Variants in HMGB1 observed in about 807,000 individuals in gnomAD.
The protein encoded by HMGB1 is high mobility group protein B1.
For synonymous variants in HMGB1, 81 were observed against 84.0 expected (o/e 0.96, Z 0.19); for missense variants, 79 against 253.5 (o/e 0.31, Z 4.67).
intron 1 of HMGB1, among the ~76,000 whole-genome samples, chr13:30,526,360 A>G (rs577729938): frequency 3.3e-5 from 5 of 152,342 alleles, no homozygotes; most frequent in African/African-American, 7.2e-5. Context: ...CCTGGCCCAA[A>G]CACATATTAT....
rs139176493 is a variant in HMGB1 at position 30,528,483 on chromosome 13, T to A, written c.-14-64789A>T. ...GCGCTCCCTTGCTTTTGACTGAGTT[T>A]ACACAAACTTGTGAGGTCACGTTTG... On this transcript the variant is annotated intron_variant, in intron 1 of 4. Transcript: ENST00000405805. Among the ~76,000 whole-genome samples, 198 of 152,324 alleles carry A rather than the reference T, an allele frequency of 1.3e-3. 1 individual carries two copies. The highest frequency in any genetic ancestry group is 4.4e-3 in the African/African-American group (183 of 41,578).
intron 1 of HMGB1, among the ~76,000 whole-genome samples, chr13:30,513,153 G>A (rs1888029530): frequency 1.3e-5 from 2 of 152,122 alleles, no homozygotes; most frequent in Admixed American, 6.5e-5. Flanking sequence ...GGGCATCAGA[G>A]TGAGACTGCA....
chr13:30,470,656 A>T (rs1886898991), upstream of HMGB1, among the ~76,000 whole-genome samples: 5 of 150,380 alleles, frequency 3.3e-5, no homozygotes, highest in Admixed American at 2.6e-4. Flanking sequence ...GTTTTATTTT[A>T]TTTTTTTTTT....
intron 1 of HMGB1, among the ~76,000 whole-genome samples, chr13:30,608,440 T>C (rs542357173): frequency 1.3e-5 from 2 of 152,332 alleles, no homozygotes; most frequent in African/African-American, 4.8e-5. Context: ...TTGAGTACTG[T>C]TGAGGGCATG....
chr13:30,471,306 A>G (rs1378493823), intron 1 of HMGB1, among the ~76,000 whole-genome samples: 2 of 151,836 alleles, frequency 1.3e-5, no homozygotes, highest in African/African-American at 2.4e-5. Context: ...TTTGTCTCCC[A>G]TGTTCAACCA....
At chr13:30,578,312 G>A (rs1417800167) in intron 1 of HMGB1, among the ~76,000 whole-genome samples, 1 of 149,000 alleles carries the variant, frequency 6.7e-6, no homozygotes, top group Admixed American at 6.7e-5. Context: ...TGACCTGTTG[G>A]TGTGTCTTTG....
intron 1 of HMGB1, among the ~76,000 whole-genome samples, chr13:30,586,475 TTTTG>T (rs1871153073): frequency 1.1e-5 from 1 of 90,740 alleles, no homozygotes; most frequent in Non-Finnish European, 2.0e-5. Context: ...CACTGGTTTT[TTTTG>T]TTTTTTTTTT....
At chr13:30,593,227 AC>A (rs571530078) in intron 1 of HMGB1, among the ~76,000 whole-genome samples, 2 of 151,212 alleles carry the variant, frequency 1.3e-5, no homozygotes, top group African/African-American at 2.4e-5. Flanking sequence ...GTTACAGACC[AC>A]CCCCCCGTAG....
At chr13:30,464,330 A>G in intron 1 of HMGB1, 1 of 985,302 alleles carries the variant, frequency 1.0e-6, no homozygotes, top group Non-Finnish European at 1.2e-6. Flanking sequence ...TTCTGACTAA[A>G]CACGTCCGGT....
At chr13:30,503,778 G>T (rs1404783145) in intron 1 of HMGB1, among the ~76,000 whole-genome samples, 3 of 151,936 alleles carry the variant, frequency 2.0e-5, no homozygotes, top group African/African-American at 7.2e-5. Context: ...GCAGGGCTGG[G>T]TGATACCGTA....
intron 1 of HMGB1, among the ~76,000 whole-genome samples, chr13:30,491,571 G>A (rs1034248480): frequency 6.6e-6 from 1 of 151,502 alleles, no homozygotes; most frequent in Non-Finnish European, 1.5e-5. Flanking sequence ...GCTGAGGTGG[G>A]AGGATCACCT....
chr13:30,602,819 C>T (rs1175781030), intron 1 of HMGB1, among the ~76,000 whole-genome samples: 2 of 152,150 alleles, frequency 1.3e-5, no homozygotes, highest in African/African-American at 4.8e-5. Context: ...TTAGCAGTCT[C>T]CCATCTTGTT....
chr13:30,601,911 A>C (rs1950406335), intron 1 of HMGB1, among the ~76,000 whole-genome samples: 1 of 152,170 alleles, frequency 6.6e-6, no homozygotes, highest in East Asian at 1.9e-4. Flanking sequence ...TTCTAAGACT[A>C]GTCCTTAAGA....
chr13:30,480,674 T>C (rs1305223116), intron 1 of HMGB1, among the ~76,000 whole-genome samples: 3 of 152,138 alleles, frequency 2.0e-5, no homozygotes, highest in Admixed American at 1.3e-4. Flanking sequence ...CTCCCTTCTA[T>C]GTCGGTCGCT....
In HMGB1 at chr13:30,538,451, ATTCTTTCTTTCTTTCTTTCTTTCT is replaced by A. The variant is rs760828749; in HGVS notation, c.-14-74781_-14-74758del. ...ACCACTGCAGTAACTAGTACTAGCA[ATTCTTTCTTTCTTTCTTTCTTTCT>A]TTCTTTCTTTCTTTCTTTCTTTCTT... On this transcript the variant is annotated intron_variant, in intron 1 of 4. Transcript: ENST00000405805. Among the ~76,000 whole-genome samples, 25 of 90,684 alleles carry A rather than the reference ATTCTTTCTTTCTTTCTTTCTTTCT, an allele frequency of 2.8e-4. 1 individual carries two copies. Among genetic ancestry groups the A allele is most frequent in the Admixed American group, 8.3e-4 (7 of 8,438 alleles). 59.5% of individuals were successfully genotyped at this position (90,684 alleles called of 152,430 possible). A position where few individuals can be genotyped will look rare whatever the true frequency, so the allele number is the denominator to read the frequency against.
chr13:30,617,290 G>A (rs1950576678), exon 1 of HMGB1: 1 of 152,386 alleles, frequency 6.6e-6, no homozygotes, highest in South Asian at 2.1e-4. Context: ...TGGCCTCGAA[G>A]ATGGGCTCTA....
chr13:30,562,852 T>C (rs1870021240), intron 1 of HMGB1, among the ~76,000 whole-genome samples: 1 of 152,208 alleles, frequency 6.6e-6, no homozygotes, highest in African/African-American at 2.4e-5. Flanking sequence ...TCCTCTGTTA[T>C]TATCTGAACT....
intron 1 of HMGB1, among the ~76,000 whole-genome samples, chr13:30,565,693 T>G (rs1323307931): frequency 1.3e-5 from 2 of 152,242 alleles, no homozygotes; most frequent in East Asian, 3.8e-4. Flanking sequence ...TGCTGGTCCA[T>G]GGACCACACT....
chr13:30,461,372 A>G lies in HMGB1; in HGVS notation c.633T>C (p.Asp211=), dbSNP rs374176160. The G allele has an allele frequency of 1.3e-6, 2 of 1,558,306 alleles. No individual in the cohort carries two copies. The highest frequency in any genetic ancestry group is 2.5e-5 in the South Asian group (2 of 81,376). ...EDEEDEDEEE[D]DDDE is the part of the protein sequence containing the mutation. Reference sequence around the variant, plus strand: ...TAGAACCAACTTATTCATCATCATCATCTTCTTCTTCATCTTCATCTTCTT... The same window carrying G: ...TAGAACCAACTTATTCATCATCATCGTCTTCTTCTTCATCTTCATCTTCTT... The change falls in exon 5 of 5, where the codon GAT becomes GAC. Residue 211 remains aspartate (D), a synonymous_variant. Coordinates refer to ENST00000341423, the MANE Select transcript of HMGB1 (RefSeq NM_002128.7).
Sources: gnomAD v4.1 joint callset for allele counts (sites outside exome capture counted in the v4.1 genomes callset) on GRCh38, gnomAD v4.1.1 for gene constraint, MANE v1.5 for transcripts, NCBI Gene and HGNC (gene_info 2026-07-23, HGNC 2026-07-21) for gene names.